The following TMEM132D variants were observed in gnomAD, a reference collection of about 807,000 sequenced individuals.
The protein encoded by TMEM132D is transmembrane protein 132D.
In TMEM132D, 21 loss-of-function variants were observed where a neutral mutation model predicts 62.3. That is an observed-to-expected ratio of 0.34 (90% CI 0.24 to 0.49). TMEM132D has a LOEUF of 0.49. Among genes scored for constraint, TMEM132D ranks in the 20% least tolerant of loss-of-function variants. The pLI, the probability that TMEM132D is intolerant of heterozygous loss-of-function variation, is 0.99. For synonymous variants in TMEM132D, 621 were observed against 575.6 expected (o/e 1.08, Z -1.13); for missense variants, 1,346 against 1,402.8 (o/e 0.96, Z 0.65).
intron 5 of TMEM132D, among the ~76,000 whole-genome samples, chr12:129,202,730 C>T (rs1441164432): frequency 1.3e-5 from 2 of 152,088 alleles, no homozygotes; most frequent in Non-Finnish European, 2.9e-5. Context: ...CAGAAAGAAC[C>T]GCCTCCTATT....
intron 5 of TMEM132D, among the ~76,000 whole-genome samples, chr12:129,200,521 C>T (rs1878673898): frequency 6.6e-6 from 1 of 152,126 alleles, no homozygotes; most frequent in Non-Finnish European, 1.5e-5. Flanking sequence ...CTTCTCCATT[C>T]CTGAGCTGAA....
chr12:129,328,307 A>AGT (rs1296540725), intron 4 of TMEM132D, among the ~76,000 whole-genome samples: 2 of 152,264 alleles, frequency 1.3e-5, no homozygotes, highest in Admixed American at 6.5e-5. Context: ...GACAAAGGCA[A>AGT]GTGCCCAGCA....
At chr12:129,679,094 A>G (rs1880713521) in intron 2 of TMEM132D, among the ~76,000 whole-genome samples, 2 of 151,844 alleles carry the variant, frequency 1.3e-5, no homozygotes, top group African/African-American at 4.8e-5. Context: ...CTTCATATAA[A>G]TTTAAAAATT....
At chr12:129,133,775 G>A (rs1280900029) in intron 5 of TMEM132D, among the ~76,000 whole-genome samples, 1 of 152,246 alleles carries the variant, frequency 6.6e-6, no homozygotes, top group African/African-American at 2.4e-5. Flanking sequence ...ACTTAGTGAA[G>A]TACCTCATTT....
intron 3 of TMEM132D, among the ~76,000 whole-genome samples, chr12:129,348,860 A>T (rs1869777176): frequency 6.6e-6 from 1 of 152,188 alleles, no homozygotes; most frequent in Non-Finnish European, 1.5e-5. Flanking sequence ...CTTCCACCAC[A>T]GCTCCCATTG....
chr12:129,296,629 T>C (rs1231532430), intron 4 of TMEM132D, among the ~76,000 whole-genome samples: 2 of 152,200 alleles, frequency 1.3e-5, no homozygotes, highest in Admixed American at 6.5e-5. Flanking sequence ...CCATCCAAGG[T>C]GTGAGATACG....
chr12:129,559,732 C>T (rs1877161850), intron 2 of TMEM132D, among the ~76,000 whole-genome samples: 1 of 152,128 alleles, frequency 6.6e-6, no homozygotes, highest in African/African-American at 2.4e-5. Context: ...AATACAATCC[C>T]CTCAAAAAGT....
rs775391412 is a variant in TMEM132D at position 129,384,987 on chromosome 12, TCC to T, written c.1116-47172_1116-47171del. 9.1e-4 allele frequency among the ~76,000 whole-genome samples: 138 copies of T among 151,646 alleles called. 5 individuals are homozygous for T. Among genetic ancestry groups the T allele is most frequent in the Non-Finnish European group, 2.9e-4 (20 of 67,952 alleles). ...TGTTTACTCACGCAGTCTGAAACAG[TCC>T]CATTCACCTCAAATTGTCTATTATA... On this transcript the variant is annotated intron_variant, in intron 3 of 8. Transcript: ENST00000422113.
chr12:129,679,165 G>A (rs1427232019), intron 2 of TMEM132D, among the ~76,000 whole-genome samples: 1 of 151,766 alleles, frequency 6.6e-6, no homozygotes, highest in Admixed American at 6.6e-5. Flanking sequence ...AGTTACATTG[G>A]CTCTATGGAT....
chr12:129,403,217 C>G lies in TMEM132D; in HGVS notation c.1116-65400G>C, dbSNP rs79054322. On this transcript the variant is annotated intron_variant, in intron 3 of 8. Transcript: ENST00000422113. ...TTGAGTAATTCCTCTCCATTGATAT[C>G]AAAGACTTGTCAGCGAAGGTGATTG... Among the ~76,000 whole-genome samples, 1,036 of 150,104 alleles carry G rather than the reference C, an allele frequency of 6.9e-3. 7 individuals are homozygous for G. The highest frequency in any genetic ancestry group is 9.8e-3 in the Non-Finnish European group (663 of 67,752).
chr12:129,655,830 T>G (rs1316824358), intron 2 of TMEM132D, among the ~76,000 whole-genome samples: 1 of 152,198 alleles, frequency 6.6e-6, no homozygotes, highest in Non-Finnish European at 1.5e-5. Flanking sequence ...AATGCTATAT[T>G]ATGAAAGAAA....
At chr12:129,419,777 G>A (rs1872244156) in intron 3 of TMEM132D, among the ~76,000 whole-genome samples, 1 of 152,014 alleles carries the variant, frequency 6.6e-6, no homozygotes, top group Non-Finnish European at 1.5e-5. Flanking sequence ...GCAGTTGTCT[G>A]CTATATGAAT....
intron 1 of TMEM132D, among the ~76,000 whole-genome samples, chr12:129,809,339 C>T (rs186087742): frequency 1.3e-5 from 2 of 151,210 alleles, no homozygotes; most frequent in African/African-American, 2.4e-5. Context: ...TTTTTGAACG[C>T]TCTGAGCAAA....
At chr12:129,204,323 A>G (rs1457600435) in intron 5 of TMEM132D, among the ~76,000 whole-genome samples, 1 of 152,236 alleles carries the variant, frequency 6.6e-6, no homozygotes, top group African/African-American at 2.4e-5. Context: ...CCATTATAAA[A>G]AAGAAGGAAG....
intron 2 of TMEM132D, among the ~76,000 whole-genome samples, chr12:129,618,361 T>C (rs1005528537): frequency 6.6e-6 from 1 of 152,216 alleles, no homozygotes; most frequent in African/African-American, 2.4e-5. Context: ...CATACCAACA[T>C]CAGAAAGCAA....
chr12:129,513,895 T>G (rs1382907214), intron 3 of TMEM132D, among the ~76,000 whole-genome samples: 16 of 150,876 alleles, frequency 1.1e-4, no homozygotes, highest in Non-Finnish European at 1.9e-4. Flanking sequence ...TGGAGTGCAG[T>G]GGCACGATCT....
At chr12:129,679,691 A>G (rs947742960) in intron 2 of TMEM132D, among the ~76,000 whole-genome samples, 2 of 152,042 alleles carry the variant, frequency 1.3e-5, no homozygotes, top group African/African-American at 4.8e-5. Flanking sequence ...TTAGTCCTCA[A>G]TGCATGTACT....
chr12:129,579,967 G>C (rs914568932), intron 2 of TMEM132D, among the ~76,000 whole-genome samples: 2 of 152,154 alleles, frequency 1.3e-5, no homozygotes, highest in African/African-American at 4.8e-5. Context: ...AGGAGGGAGA[G>C]GGACTAGCAA....
At chr12:129,537,818 C>T (rs1876445011) in intron 2 of TMEM132D, among the ~76,000 whole-genome samples, 1 of 152,282 alleles carries the variant, frequency 6.6e-6, no homozygotes, top group Non-Finnish European at 1.5e-5. Flanking sequence ...CTCCACTGCA[C>T]TGAGGGAAAA....
Sources: gnomAD v4.1 joint callset for allele counts (sites outside exome capture counted in the v4.1 genomes callset) on GRCh38, gnomAD v4.1.1 for gene constraint, MANE v1.5 for transcripts, NCBI Gene and HGNC (gene_info 2026-07-23, HGNC 2026-07-21) for gene names.